The following ICA1 variants were observed in gnomAD, a reference collection of about 807,000 sequenced individuals.
ICA1 encodes 69 kDa islet cell autoantigen.
ICA1 carries 40 observed loss-of-function variants against 71.0 expected under a neutral mutation model. The ratio of observed to expected loss-of-function variants is 0.56; its 90% CI spans 0.44 to 0.73. The LOEUF (loss-of-function observed/expected upper bound fraction) is 0.73. ICA1 is among the 30% of genes least tolerant of loss of function. The pLI, the probability that ICA1 is intolerant of heterozygous loss-of-function variation, is 0.00. For synonymous variants in ICA1, 207 were observed against 209.5 expected (o/e 0.99, Z 0.10); for missense variants, 578 against 576.5 (o/e 1.00, Z -0.03).
intron 1 of ICA1, among the ~76,000 whole-genome samples, chr7:8,244,181 A>T (rs992835791): frequency 3.3e-5 from 5 of 152,202 alleles, no homozygotes; most frequent in Non-Finnish European, 7.3e-5. Flanking sequence ...ACAGTAACCA[A>T]AACAGCATGG....
At chr7:8,258,335 G>A (rs540041396) in intron 1 of ICA1, among the ~76,000 whole-genome samples, 1 of 152,268 alleles carries the variant, frequency 6.6e-6, no homozygotes, top group East Asian at 1.9e-4. Context: ...TCTCTGATTT[G>A]GTCAAAGGCC....
At chr7:8,233,847 A>G (rs937588690) in intron 2 of ICA1, among the ~76,000 whole-genome samples, 3 of 152,250 alleles carry the variant, frequency 2.0e-5, no homozygotes, top group Admixed American at 2.0e-4. Flanking sequence ...AAACTCTTCC[A>G]TATAAATGCT....
intron 1 of ICA1, among the ~76,000 whole-genome samples, chr7:8,256,438 C>A (rs192268971): frequency 6.6e-6 from 1 of 152,286 alleles, no homozygotes; most frequent in Admixed American, 6.5e-5. Context: ...CTTGAGCTTC[C>A]CTGAATATAC....
intron 6 of ICA1, among the ~76,000 whole-genome samples, chr7:8,165,733 C>G (rs1457376399): frequency 6.6e-6 from 1 of 152,080 alleles, no homozygotes; most frequent in African/African-American, 2.4e-5. Context: ...CAACAACAAC[C>G]AAGCTGAAAG....
At chr7:8,141,469 G>A (rs1354768459) in intron 10 of ICA1, among the ~76,000 whole-genome samples, 1 of 152,212 alleles carries the variant, frequency 6.6e-6, no homozygotes, top group Non-Finnish European at 1.5e-5. Flanking sequence ...AATCCGCTGT[G>A]AAAAGAAACA....
At chr7:8,221,198 G>C in intron 5 of ICA1, 77 bp downstream of exon 5, 1 of 1,573,702 alleles carries the variant, frequency 6.4e-7, no homozygotes, top group Admixed American at 1.7e-5. Context: ...AACACTGTGA[G>C]ATTCCCTTTC....
At chr7:8,228,777 A>C in intron 3 of ICA1, 104 bp from the exon 4 acceptor site, 1 of 663,962 alleles carries the variant, frequency 1.5e-6, no homozygotes, top group Non-Finnish European at 2.5e-6. Flanking sequence ...CAAAAACAAG[A>C]CCACATGTCT....
chr7:8,235,704 A>G (rs1368918371), intron 2 of ICA1, among the ~76,000 whole-genome samples: 1 of 152,244 alleles, frequency 6.6e-6, no homozygotes, highest in African/African-American at 2.4e-5. Context: ...TAGAGAATGC[A>G]CATTAGGTAA....
At chr7:8,219,655 G>T (rs1041119039) in intron 5 of ICA1, among the ~76,000 whole-genome samples, 11 of 152,202 alleles carry the variant, frequency 7.2e-5, no homozygotes, top group Non-Finnish European at 1.3e-4. Flanking sequence ...GTGCCATAAA[G>T]TAAGCTTGTT....
chr7:8,243,070 G>T (rs1410028952), intron 1 of ICA1, among the ~76,000 whole-genome samples: 1 of 152,150 alleles, frequency 6.6e-6, no homozygotes, highest in Non-Finnish European at 1.5e-5. Context: ...ATTTTATGAG[G>T]CCAGCATCAT....
intron 13 of ICA1, among the ~76,000 whole-genome samples, chr7:8,115,537 C>G (rs969037395): frequency 6.6e-6 from 1 of 152,190 alleles, no homozygotes. Context: ...GTTCTCATGG[C>G]CTTGCCGTGA....
chr7:8,245,212 A>G (rs959061836), intron 1 of ICA1, among the ~76,000 whole-genome samples: 17 of 152,144 alleles, frequency 1.1e-4, no homozygotes, highest in East Asian at 3.8e-4. Context: ...CATATACACC[A>G]TGGAATACTA....
intron 8 of ICA1, among the ~76,000 whole-genome samples, chr7:8,154,500 TG>T (rs1800819247): frequency 6.6e-6 from 1 of 152,226 alleles, no homozygotes; most frequent in African/African-American, 2.4e-5. Context: ...ACAAATGGCT[TG>T]CTTTTCATTA....
chr7:8,160,087 CGTATTT>C (rs1432650065), intron 6 of ICA1, among the ~76,000 whole-genome samples: 2 of 152,032 alleles, frequency 1.3e-5, no homozygotes, highest in Admixed American at 1.3e-4. Flanking sequence ...GTACTGAATA[CGTATTT>C]GTTGGCTGAA....
chr7:8,176,251 G>C (rs911640141), intron 6 of ICA1, among the ~76,000 whole-genome samples: 3 of 152,202 alleles, frequency 2.0e-5, no homozygotes, highest in Admixed American at 1.3e-4. Flanking sequence ...AGCTACAGCA[G>C]GCCAATCCCA....
At chr7:8,115,424 G>T (rs1220551781) in intron 13 of ICA1, among the ~76,000 whole-genome samples, 1 of 152,202 alleles carries the variant, frequency 6.6e-6, no homozygotes, top group Admixed American at 6.5e-5. Context: ...ATTCTTGCTA[G>T]AGGATATCAA....
chr7:8,168,978 C>T (rs1807213580), intron 6 of ICA1, among the ~76,000 whole-genome samples: 2 of 152,086 alleles, frequency 1.3e-5, no homozygotes, highest in Non-Finnish European at 2.9e-5. Context: ...ATAAGACATT[C>T]TATATTCCTA....
At chr7:8,145,746 G>GTATATATATATATATATATATATATA (rs199855161) in intron 8 of ICA1, among the ~76,000 whole-genome samples, 13 of 33,500 alleles carry the variant, frequency 3.9e-4, no homozygotes, top group African/African-American at 6.2e-4. Flanking sequence ...TGGAATCATT[G>GTATATATATATATATATATATATATA]TGTATATATA....
chr7:8,133,849 T>C (rs1359141039), intron 12 of ICA1, among the ~76,000 whole-genome samples: 3 of 148,310 alleles, frequency 2.0e-5, no homozygotes, highest in African/African-American at 7.4e-5. Context: ...AATCATACTT[T>C]TTTTTTTTTT....
Sources: allele counts gnomAD v4.1 joint callset (sites outside exome capture counted in the v4.1 genomes callset), GRCh38; gene constraint gnomAD v4.1.1; transcripts MANE v1.5; gene names NCBI Gene and HGNC (gene_info 2026-07-23, HGNC 2026-07-21).